The following GFRA2 variants were observed in gnomAD, a reference collection of about 807,000 sequenced individuals.
GFRA2 encodes the protein GDNF family receptor alpha 2, also known as GDNF family receptor alpha-2.
A neutral mutation model predicts 48.3 loss-of-function variants in GFRA2; 17 were observed. That is an observed-to-expected ratio of 0.35 (90% CI 0.24 to 0.53). GFRA2 has a LOEUF of 0.53. Ranked by LOEUF, GFRA2 falls within the 20% of genes least tolerant of loss-of-function variation. The pLI is 0.93. For missense variants in GFRA2, 660 were observed against 637.3 expected (o/e 1.04, Z -0.38); for synonymous variants, 305 against 257.2 (o/e 1.19, Z -1.78).
intron 1 of GFRA2, among the ~76,000 whole-genome samples, chr8:21,786,712 G>A (rs1319918363): frequency 6.6e-6 from 1 of 152,188 alleles, no homozygotes; most frequent in Non-Finnish European, 1.5e-5. Flanking sequence ...CTCGCACCTG[G>A]CGGGAAGCAG....
At chr8:21,734,326 C>T (rs1439275139) in intron 4 of GFRA2, among the ~76,000 whole-genome samples, 1 of 152,258 alleles carries the variant, frequency 6.6e-6, no homozygotes, top group African/African-American at 2.4e-5. Flanking sequence ...CGTATCCAAG[C>T]ACCCAGCCTT....
At chr8:21,758,691 C>T (rs1181908453) in intron 3 of GFRA2, among the ~76,000 whole-genome samples, 2 of 152,112 alleles carry the variant, frequency 1.3e-5, no homozygotes, top group African/African-American at 4.8e-5. Flanking sequence ...TTTGAACTGC[C>T]TAATCCCTTA....
intron 6 of GFRA2, 143 bp from the exon 7 acceptor site, chr8:21,703,120 CCCTCTGCTGAA>C (rs1274928661): frequency 1.4e-5 from 7 of 508,304 alleles, no homozygotes; most frequent in Admixed American, 7.6e-5. Context: ...CAGCCAGATT[CCCTCTGCTGAA>C]CCTCTTCTTC....
intron 6 of GFRA2, 61 bp from the exon 7 acceptor site, chr8:21,703,038 C>G: frequency 1.9e-6 from 2 of 1,069,398 alleles, no homozygotes; most frequent in Non-Finnish European, 2.6e-6. Context: ...ACTCCTGTCC[C>G]TGCTCCTCAC....
chr8:21,784,269 A>G (rs1807158255), intron 1 of GFRA2: 2 of 455,988 alleles, frequency 4.4e-6, no homozygotes, highest in Middle Eastern at 3.2e-4. Flanking sequence ...GTCCTCTGAT[A>G]AGCCCCTAAC....
chr8:21,739,286 C>T (rs976709259), intron 4 of GFRA2, among the ~76,000 whole-genome samples: 1 of 152,170 alleles, frequency 6.6e-6, no homozygotes, highest in Non-Finnish European at 1.5e-5. Context: ...TGTGCCCACT[C>T]ACCTCCAACA....
At position 21,788,459 on chromosome 8, in the gene GFRA2, G is replaced by GC; in HGVS notation, c.-301dup. On this transcript the variant is annotated 5_prime_UTR_variant, in exon 1 of 9. Transcript: ENST00000524240. ...AGCCAACAGCCCAGTCCTGGGGTCA[G>GC]CCCTCCCCTCCAATCGTCCGGGAAG... is the stretch of plus-strand genomic sequence containing the variant. 11 of 1,135,436 alleles carry GC rather than the reference G, an allele frequency of 9.7e-6. No homozygotes were observed. The highest frequency in any genetic ancestry group is 1.2e-5 in the Non-Finnish European group (11 of 927,252). 70.3% of individuals were successfully genotyped at this position (1,135,436 alleles called of 1,614,324 possible).
At chr8:21,712,388 C>A (rs965822375) in intron 4 of GFRA2, among the ~76,000 whole-genome samples, 6 of 150,312 alleles carry the variant, frequency 4.0e-5, no homozygotes, top group Non-Finnish European at 8.9e-5. Context: ...GGCAGAGGCG[C>A]TCCCCACATC....
chr8:21,713,221 T>C (rs967850111), intron 4 of GFRA2, among the ~76,000 whole-genome samples: 2 of 152,172 alleles, frequency 1.3e-5, no homozygotes, highest in Non-Finnish European at 2.9e-5. Flanking sequence ...AGATGGACTC[T>C]TTCTCTTTTG....
At chr8:21,801,555 C>G (rs1334529111) in intron 2 of GFRA2, among the ~76,000 whole-genome samples, 1 of 150,334 alleles carries the variant, frequency 6.7e-6, no homozygotes, top group African/African-American at 2.5e-5. Context: ...CCACCCACCC[C>G]CTTCATAGGC....
At chr8:21,769,265 C>A (rs199990584) in intron 3 of GFRA2, 14,155 of 575,880 alleles carry the variant, frequency 0.025, 435 homozygotes, top group East Asian at 0.18. Context: ...CCCGCCCCTG[C>A]CCTGCCCCTT....
At chr8:21,699,776 C>T (rs552484640) in intron 7 of GFRA2, among the ~76,000 whole-genome samples, 1 of 152,352 alleles carries the variant, frequency 6.6e-6, no homozygotes, top group East Asian at 1.9e-4. Context: ...AGCCCATCCT[C>T]TAGGACAGCA....
At chr8:21,756,418 G>A (rs961118339) in intron 3 of GFRA2, among the ~76,000 whole-genome samples, 5 of 152,194 alleles carry the variant, frequency 3.3e-5, no homozygotes, top group Non-Finnish European at 7.4e-5. Context: ...CCCCAGGAGC[G>A]GGCCTGGGCT....
At chr8:21,737,126 C>T (rs1222973466) in intron 4 of GFRA2, among the ~76,000 whole-genome samples, 1 of 152,184 alleles carries the variant, frequency 6.6e-6, no homozygotes, top group Non-Finnish European at 1.5e-5. Flanking sequence ...CCTAACAAAG[C>T]AACTCACCCT....
At chr8:21,801,919 A>G (rs1226474831) in intron 2 of GFRA2, among the ~76,000 whole-genome samples, 1 of 152,212 alleles carries the variant, frequency 6.6e-6, no homozygotes, top group Admixed American at 6.5e-5. Context: ...AGAATGAGAA[A>G]GGCATCCTTT....
chr8:21,792,206 G>A (rs978504338), upstream of GFRA2, among the ~76,000 whole-genome samples: 3 of 152,196 alleles, frequency 2.0e-5, no homozygotes, highest in Admixed American at 1.3e-4. Flanking sequence ...AGGGGAGGGC[G>A]TTGCAGCCCC....
intron 1 of GFRA2, among the ~76,000 whole-genome samples, chr8:21,787,132 T>C (rs74459829): frequency 0.024 from 3,582 of 152,016 alleles, 124 homozygotes; most frequent in East Asian, 0.13. Flanking sequence ...CCTCCGGAGA[T>C]TGCCATTTCC....
chr8:21,776,040 T>TGTGTTGTG (rs1806687873), intron 2 of GFRA2, among the ~76,000 whole-genome samples: 2 of 125,626 alleles, frequency 1.6e-5, no homozygotes, highest in African/African-American at 5.6e-5. Context: ...TGTGTGTGTG[T>TGTGTTGTG]AGTGAAAAGC....
At chr8:21,792,312 C>T (rs1393989817), upstream of GFRA2, among the ~76,000 whole-genome samples, 3 of 152,178 alleles carry the variant, frequency 2.0e-5, no homozygotes, top group Non-Finnish European at 2.9e-5. Context: ...GCTGAGGGTT[C>T]CCTGACCCCA....
Sources: gnomAD v4.1 joint callset for allele counts (sites outside exome capture counted in the v4.1 genomes callset) on GRCh38, gnomAD v4.1.1 for gene constraint, MANE v1.5 for transcripts, NCBI Gene and HGNC (gene_info 2026-07-23, HGNC 2026-07-21) for gene names.